Variants in SLC14A2 observed in about 807,000 individuals in gnomAD.
The protein encoded by SLC14A2 is solute carrier family 14 member 2, also known as urea transporter 2.
In SLC14A2, 91 loss-of-function variants were observed where a neutral mutation model predicts 104.6. That is an observed-to-expected ratio of 0.87 (90% CI 0.73 to 1.04). The LOEUF is 1.04. Among genes scored for constraint, SLC14A2 ranks in the 50% least tolerant of loss-of-function variants. The pLI, the probability that SLC14A2 is intolerant of heterozygous loss-of-function variation, is 0.00. For synonymous variants in SLC14A2, 476 were observed against 466.4 expected (o/e 1.02, Z -0.27); for missense variants, 1,189 against 1,156.0 (o/e 1.03, Z -0.41).
intron 1 of SLC14A2, among the ~76,000 whole-genome samples, chr18:45,439,845 C>T (rs546116885): frequency 3.3e-5 from 5 of 152,210 alleles, no homozygotes; most frequent in Admixed American, 6.5e-5. Context: ...TGGCCTTTTA[C>T]ACCTGGAAAG....
intron 2 of SLC14A2, among the ~76,000 whole-genome samples, chr18:45,608,213 A>G (rs1378455761): frequency 2.0e-5 from 3 of 152,212 alleles, no homozygotes; most frequent in African/African-American, 7.2e-5. Flanking sequence ...AGAAAGATTA[A>G]CCTTCCAAAT....
the SLC14A2 span, among the ~76,000 whole-genome samples, chr18:45,197,081 A>G: frequency 2.0e-5 from 3 of 152,210 alleles, no homozygotes; most frequent in Non-Finnish European, 4.4e-5. Flanking sequence ...GACATTAGAC[A>G]TAGATTTGGA....
At chr18:45,640,136 T>C (rs1227721594) in intron 7 of SLC14A2, among the ~76,000 whole-genome samples, 2 of 151,586 alleles carry the variant, frequency 1.3e-5, no homozygotes, top group Non-Finnish European at 2.9e-5. Flanking sequence ...ATTAGCTGGG[T>C]GTGGTGGTGG....
chr18:45,522,383 C>T (rs1032795876), intron 2 of SLC14A2, among the ~76,000 whole-genome samples: 1 of 152,176 alleles, frequency 6.6e-6, no homozygotes, highest in Non-Finnish European at 1.5e-5. Flanking sequence ...GGAAGGTGCA[C>T]CCTTGACATT....
At chr18:45,565,980 T>C (rs1391772635) in intron 2 of SLC14A2, among the ~76,000 whole-genome samples, 1 of 152,216 alleles carries the variant, frequency 6.6e-6, no homozygotes, top group Non-Finnish European at 1.5e-5. Context: ...GGGACATGTG[T>C]GTTTTGTTTC....
At chr18:45,470,415 T>C (rs1247707565) in intron 1 of SLC14A2, among the ~76,000 whole-genome samples, 1 of 152,204 alleles carries the variant, frequency 6.6e-6, no homozygotes, top group African/African-American at 2.4e-5. Context: ...ATCTATTTAT[T>C]TTGACTGATA....
intron 1 of SLC14A2, among the ~76,000 whole-genome samples, chr18:45,243,434 A>G (rs1265621876): frequency 1.3e-5 from 2 of 152,202 alleles, no homozygotes; most frequent in Admixed American, 1.3e-4. Flanking sequence ...TCAGACCTCT[A>G]TGACCTCAGA....
At chr18:45,446,458 C>A (rs2086771637) in intron 1 of SLC14A2, among the ~76,000 whole-genome samples, 1 of 152,188 alleles carries the variant, frequency 6.6e-6, no homozygotes, top group Non-Finnish European at 1.5e-5. Context: ...AAAGCCCTCA[C>A]CAAAGACCCA....
chr18:45,655,652 G>A (rs1168458277), intron 10 of SLC14A2, among the ~76,000 whole-genome samples: 33 of 152,182 alleles, frequency 2.2e-4, no homozygotes, highest in Non-Finnish European at 4.6e-4. Flanking sequence ...CATAGGTAGC[G>A]CAGAAGAAGG....
At chr18:45,311,394 T>C (rs2085077382) in intron 1 of SLC14A2, among the ~76,000 whole-genome samples, 1 of 152,156 alleles carries the variant, frequency 6.6e-6, no homozygotes. Flanking sequence ...TCCACACTTA[T>C]AGAGGAGGGA....
intron 1 of SLC14A2, among the ~76,000 whole-genome samples, chr18:45,419,344 T>C (rs1472058564): frequency 6.6e-6 from 1 of 152,198 alleles, no homozygotes; most frequent in Non-Finnish European, 1.5e-5. Context: ...AGGTGAGGCT[T>C]AAAGTATGAA....
intron 1 of SLC14A2, among the ~76,000 whole-genome samples, chr18:45,330,753 G>A (rs1464825113): frequency 6.6e-6 from 1 of 152,188 alleles, no homozygotes; most frequent in African/African-American, 2.4e-5. Context: ...TCTTGTATTA[G>A]AGAAAGAGAA....
chr18:45,577,179 G>GGTCA (rs896061746), intron 2 of SLC14A2, among the ~76,000 whole-genome samples: 2 of 67,322 alleles, frequency 3.0e-5, no homozygotes, highest in Non-Finnish European at 6.4e-5. Flanking sequence ...TAACCTCCAG[G>GGTCA]GTCAGCAAGG....
At chr18:45,491,353 C>T (rs2042996153) in intron 2 of SLC14A2, among the ~76,000 whole-genome samples, 1 of 152,110 alleles carries the variant, frequency 6.6e-6, no homozygotes, top group South Asian at 2.1e-4. Flanking sequence ...CATTTACACA[C>T]ATATTTAAAA....
chr18:45,260,270 C>A lies in SLC14A2; in HGVS notation c.-125+47079C>A, dbSNP rs191562501. 4.6e-5 allele frequency among the ~76,000 whole-genome samples: 7 copies of A among 152,234 alleles called. No individual in the cohort carries two copies. In the East Asian group the frequency reaches 7.7e-4, roughly 17 times the overall value. On this transcript the variant is annotated intron_variant, in intron 1 of 20. Transcript: ENST00000586448. The stretch of plus-strand genomic sequence containing the variant: ...ACATGTGTCCTTGCCCTTGAACAAC[C>A]TACAGTTTAGTTAGGAAGTCACAAG...
intron 2 of SLC14A2, among the ~76,000 whole-genome samples, chr18:45,606,737 AAAAAAAAAAAC>A (rs1473916520): frequency 1.4e-5 from 1 of 70,172 alleles, no homozygotes; most frequent in African/African-American, 5.5e-5. Context: ...GTCTAATTAA[AAAAAAAAAAAC>A]AAAACAAAAA....
At chr18:45,241,863 G>A (rs1304399050) in intron 1 of SLC14A2, among the ~76,000 whole-genome samples, 3 of 151,654 alleles carry the variant, frequency 2.0e-5, no homozygotes, top group South Asian at 2.1e-4. Context: ...GACTGGTCTC[G>A]AACTCCCGAC....
chr18:45,644,196 C>T (rs775187412), intron 10 of SLC14A2, 36 bp downstream of exon 10: 1 of 1,604,092 alleles, frequency 6.2e-7, no homozygotes. Context: ...ACGCTCTTTG[C>T]CTGACCTGAT....
At chr18:45,385,751 CTTGAAAACCTTCAAAGTACACGGT>C (rs1219363266) in intron 1 of SLC14A2, among the ~76,000 whole-genome samples, 1 of 152,144 alleles carries the variant, frequency 6.6e-6, no homozygotes, top group Non-Finnish European at 1.5e-5. Flanking sequence ...TTAGGACTGA[CTTGAAAACCTTCAAAGTACACGGT>C]TTGAAAGAAT....
Sources: gnomAD v4.1 joint callset for allele counts (sites outside exome capture counted in the v4.1 genomes callset) on GRCh38, gnomAD v4.1.1 for gene constraint, MANE v1.5 for transcripts, NCBI Gene and HGNC (gene_info 2026-07-23, HGNC 2026-07-21) for gene names.